Variants in DSCAM observed in about 807,000 individuals in gnomAD.
The protein encoded by DSCAM is cell adhesion molecule DSCAM.
Under a neutral mutation model 217.7 loss-of-function variants are expected in DSCAM, and 47 were observed. The ratio of observed to expected loss-of-function variants is 0.22; its 90% CI spans 0.17 to 0.28. The LOEUF (loss-of-function observed/expected upper bound fraction) is 0.28, where lower values mean the gene tolerates loss of function less well. DSCAM is among the 10% of genes least tolerant of loss of function. The pLI is 1.00. For synonymous variants in DSCAM, 1,056 were observed against 1,015.3 expected, an observed-to-expected ratio of 1.04 and a Z score of -0.76; for missense variants, 2,080 against 2,618.3, an observed-to-expected ratio of 0.79 and a Z score of 4.49.
chr21:40,631,251 C>T (rs567282601), intron 3 of DSCAM, among the ~76,000 whole-genome samples: 1 of 152,248 alleles, frequency 6.6e-6, no homozygotes, highest in Admixed American at 6.5e-5. Flanking sequence ...TGCCCCATGT[C>T]ATTTGTCTTC....
intron 3 of DSCAM, chr21:40,621,281 G>A (rs1381135592): frequency 6.6e-6 from 1 of 152,176 alleles, no homozygotes; most frequent in African/African-American, 2.4e-5. Flanking sequence ...CCCGAGATTT[G>A]AGATGAGCTC....
intron 11 of DSCAM, among the ~76,000 whole-genome samples, chr21:40,194,059 G>A (rs955109265): frequency 3.9e-5 from 6 of 152,014 alleles, no homozygotes; most frequent in East Asian, 1.9e-4. Context: ...AAGTTTTATC[G>A]CATTTGATGA....
chr21:40,346,091 G>A (rs902376258), intron 6 of DSCAM, among the ~76,000 whole-genome samples: 8 of 152,308 alleles, frequency 5.3e-5, no homozygotes, highest in African/African-American at 1.2e-4. Flanking sequence ...AATGGTTGCC[G>A]GGGTAACTGG....
intron 1 of DSCAM, among the ~76,000 whole-genome samples, chr21:40,751,192 G>T (rs1003591705): frequency 1.3e-5 from 2 of 152,024 alleles, no homozygotes; most frequent in Non-Finnish European, 2.9e-5. Context: ...CTTCGTTTAG[G>T]TTTCACTCAA....
rs139923413 is a variant in DSCAM at position 40,728,152 on chromosome 21, C to T, written c.44-19381G>A. 3.6e-3 allele frequency among the ~76,000 whole-genome samples: 550 copies of T among 152,236 alleles called. 4 individuals carry two copies. The highest frequency in any genetic ancestry group is 0.012 in the African/African-American group (511 of 41,556). On this transcript the variant is annotated intron_variant, in intron 1 of 32. Transcript: ENST00000400454. Reference sequence around the variant, plus strand: ...TGGCCCTCAGCGTCTTTAGTGCACTCGATCATTTACCTATTTGTTATACTT... The same window carrying T: ...TGGCCCTCAGCGTCTTTAGTGCACTTGATCATTTACCTATTTGTTATACTT...
chr21:40,255,219 G>A (rs1601488772), intron 11 of DSCAM, among the ~76,000 whole-genome samples: 1 of 152,086 alleles, frequency 6.6e-6, no homozygotes, highest in Non-Finnish European at 1.5e-5. Context: ...TGGGTGTTCT[G>A]TGCCAGAGAG....
chr21:40,608,395 A>G (rs917777770), intron 3 of DSCAM, among the ~76,000 whole-genome samples: 1 of 152,252 alleles, frequency 6.6e-6, no homozygotes, highest in African/African-American at 2.4e-5. Context: ...CAGAGTAACA[A>G]AAAAGAAACC....
intron 3 of DSCAM, among the ~76,000 whole-genome samples, chr21:40,616,531 A>G (rs952635668): frequency 1.5e-4 from 23 of 152,134 alleles, no homozygotes; most frequent in African/African-American, 5.1e-4. Context: ...ACTGAAGTTC[A>G]TTGCTGGAGG....
intron 11 of DSCAM, among the ~76,000 whole-genome samples, chr21:40,221,151 G>C (rs568691664): frequency 1.3e-5 from 2 of 152,116 alleles, no homozygotes; most frequent in African/African-American, 4.8e-5. Context: ...GTGTCAAACA[G>C]GATGAAAAAG....
In DSCAM at chr21:40,235,321, A is replaced by G. The variant is rs541348192; in HGVS notation, c.2356+40776T>C. On this transcript the variant is annotated intron_variant, in intron 11 of 32. Transcript: ENST00000400454. ...CTGTACTAGCCTCTACAAGAAACAC[A>G]TTTTGCCTTATGAAGTAGGAAAACA... Among the ~76,000 whole-genome samples, 6 of 152,254 alleles carry G rather than the reference A, an allele frequency of 3.9e-5. No homozygotes were observed. The South Asian group carries it at 1.0e-3, about 26-fold the overall frequency.
intron 15 of DSCAM, among the ~76,000 whole-genome samples, chr21:40,168,976 A>G (rs893532443): frequency 2.8e-4 from 43 of 152,190 alleles, no homozygotes; most frequent in Admixed American, 2.8e-3. Context: ...CTCAGTAAAT[A>G]TAAGAAATCA....
intron 3 of DSCAM, among the ~76,000 whole-genome samples, chr21:40,512,874 T>C (rs547744544): frequency 1.3e-5 from 2 of 152,032 alleles, no homozygotes; most frequent in African/African-American, 2.4e-5. Context: ...CGCTTGCCCA[T>C]TTCCTCCACT....
chr21:40,506,228 G>A (rs188943098), intron 3 of DSCAM, among the ~76,000 whole-genome samples: 1 of 152,210 alleles, frequency 6.6e-6, no homozygotes, highest in South Asian at 2.1e-4. Flanking sequence ...CCATGCACGA[G>A]GGGACAGTAA....
intron 16 of DSCAM, among the ~76,000 whole-genome samples, chr21:40,157,186 C>T (rs1031484520): frequency 6.6e-6 from 1 of 152,128 alleles, no homozygotes; most frequent in Admixed American, 6.5e-5. Context: ...TACTGGATCC[C>T]AGCTGTCTTC....
In DSCAM at chr21:40,078,612, G is replaced by C. The variant is rs898595865; in HGVS notation, c.4711+75C>G. 15 of 1,543,338 alleles carry C rather than the reference G, an allele frequency of 9.7e-6. No homozygotes were observed. The South Asian group carries it at 1.9e-4, about 19-fold the overall frequency. On this transcript the variant is annotated intron_variant, in intron 26 of 32. Transcript: ENST00000400454. ...TCAAACTATGGCAAAGATGATGTTC[G>C]ATGGGAAAGGGGCAGGGCCCACGTG...
chr21:40,767,818 C>T (rs2091407200), intron 1 of DSCAM, among the ~76,000 whole-genome samples: 1 of 152,036 alleles, frequency 6.6e-6, no homozygotes, highest in Admixed American at 6.5e-5. Flanking sequence ...AGAGGTAGAA[C>T]CCGCAGTAGT....
At chr21:40,175,680 G>A (rs2090716601) in intron 15 of DSCAM, among the ~76,000 whole-genome samples, 1 of 151,724 alleles carries the variant, frequency 6.6e-6, no homozygotes, top group Admixed American at 6.6e-5. Flanking sequence ...TTAGGTTTCA[G>A]GATATTCATT....
intron 3 of DSCAM, among the ~76,000 whole-genome samples, chr21:40,607,129 T>C (rs1402047811): frequency 1.3e-5 from 2 of 152,236 alleles, no homozygotes; most frequent in Non-Finnish European, 2.9e-5. Flanking sequence ...TTTCTTCCAC[T>C]GATATTAAGA....
chr21:40,636,290 G>A (rs934425943), intron 3 of DSCAM, among the ~76,000 whole-genome samples: 10 of 151,952 alleles, frequency 6.6e-5, no homozygotes, highest in African/African-American at 2.4e-4. Context: ...TGTGGTTCTC[G>A]GGGGCTTAGA....
Sources: gnomAD v4.1 joint callset for allele counts (sites outside exome capture counted in the v4.1 genomes callset) on GRCh38, gnomAD v4.1.1 for gene constraint, MANE v1.5 for transcripts, NCBI Gene and HGNC (gene_info 2026-07-23, HGNC 2026-07-21) for gene names.